IL1RAPL2: variants seen among roughly 807,000 people sequenced by gnomAD.
IL1RAPL2 encodes the protein X-linked interleukin-1 receptor accessory protein-like 2.
IL1RAPL2 carries 3 observed loss-of-function variants against 44.1 expected under a neutral mutation model. The ratio of observed to expected loss-of-function variants is 0.07; its 90% CI spans 0.03 to 0.18. The LOEUF is 0.18. IL1RAPL2 is among the 10% of genes least tolerant of loss of function. The pLI, the probability that IL1RAPL2 is intolerant of heterozygous loss-of-function variation, is 1.00. For synonymous variants in IL1RAPL2, 181 were observed against 178.8 expected (o/e 1.01, Z -0.10); for missense variants, 391 against 496.4 (o/e 0.79, Z 2.02).
intron 2 of IL1RAPL2, among the ~76,000 whole-genome samples, chrX:104,664,214 G>C (rs190959290): frequency 9.0e-6 from 1 of 111,145 alleles, no homozygotes; most frequent in Non-Finnish European, 1.9e-5. Flanking sequence ...TGTAGTGGTC[G>C]TTCCGCAATG....
At chrX:105,308,014 C>T (rs1362974957) in intron 5 of IL1RAPL2, among the ~76,000 whole-genome samples, 1 of 110,270 alleles carries the variant, frequency 9.1e-6, no homozygotes, top group African/African-American at 3.3e-5. Context: ...GATCTGGGCA[C>T]TAGATGTCTG....
chrX:104,766,674 C>T (rs2061130113), intron 2 of IL1RAPL2, among the ~76,000 whole-genome samples: 2 of 111,835 alleles, frequency 1.8e-5, no homozygotes, highest in South Asian at 7.4e-4. Context: ...ACACAATGTG[C>T]CCAAAGCTTC....
chrX:104,810,134 AATC>A (rs1932962925), intron 2 of IL1RAPL2, among the ~76,000 whole-genome samples: 1 of 109,869 alleles, frequency 9.1e-6, no homozygotes, highest in Admixed American at 9.8e-5. Flanking sequence ...TGAAATTGGA[AATC>A]ATCATTCTCA....
intron 2 of IL1RAPL2, among the ~76,000 whole-genome samples, chrX:104,982,664 T>C (rs1361409572): frequency 1.8e-5 from 2 of 111,283 alleles, no homozygotes; most frequent in Non-Finnish European, 3.8e-5. Context: ...GTTCAGTTTG[T>C]TGGTAACCTA....
chrX:104,600,710 T>G (rs1928865394), intron 1 of IL1RAPL2, among the ~76,000 whole-genome samples: 1 of 111,114 alleles, frequency 9.0e-6, no homozygotes, highest in East Asian at 2.8e-4. Flanking sequence ...ATTGCTGCCA[T>G]CTTGATATCC....
At chrX:104,724,689 T>C (rs374683937) in intron 2 of IL1RAPL2, among the ~76,000 whole-genome samples, 1 of 111,281 alleles carries the variant, frequency 9.0e-6, no homozygotes, top group African/African-American at 3.3e-5. Flanking sequence ...GAGCAGCAAA[T>C]AGAGCAACTA....
At chrX:105,672,427 G>A (rs1261440105) in intron 6 of IL1RAPL2, among the ~76,000 whole-genome samples, 1 of 112,194 alleles carries the variant, frequency 8.9e-6, no homozygotes, top group Non-Finnish European at 1.9e-5. Context: ...AGAGTTCCAG[G>A]TTCTTCCATG....
Position 104,786,218 on chromosome X carries a change from C to A in IL1RAPL2, c.82+127223C>A, listed in dbSNP as rs1275822459. On this transcript the variant is annotated intron_variant, in intron 2 of 10. Coordinates refer to ENST00000372582, the MANE Select transcript of IL1RAPL2 (RefSeq NM_017416.2). ...AGCTCAGGCACTGGTAAGTGTGGTG[C>A]AAAGATTGAGGTGGGACCAACATTA... 6.3e-5 allele frequency among the ~76,000 whole-genome samples: 7 copies of A among 111,461 alleles called. No homozygotes were observed. The East Asian group carries it at 2.0e-3, about 31-fold the overall frequency.
intron 1 of IL1RAPL2, among the ~76,000 whole-genome samples, chrX:104,643,769 A>G (rs758452001): frequency 9.0e-6 from 1 of 111,675 alleles, no homozygotes; most frequent in South Asian, 3.8e-4. Context: ...CAGTGAGGAG[A>G]AAATATTAAA....
chrX:104,966,318 T>C (rs936605892), intron 2 of IL1RAPL2, among the ~76,000 whole-genome samples: 1 of 111,616 alleles, frequency 9.0e-6, no homozygotes, highest in African/African-American at 3.2e-5. Flanking sequence ...ATTAGACTTT[T>C]AAAACATGCT....
chrX:105,348,696 T>G (rs1198036566), intron 5 of IL1RAPL2, among the ~76,000 whole-genome samples: 1 of 111,496 alleles, frequency 9.0e-6, no homozygotes, highest in East Asian at 2.8e-4. Context: ...ATTCAGGTGC[T>G]GCAGCAAAGG....
chrX:105,509,923 G>A (rs2036457384), intron 6 of IL1RAPL2, among the ~76,000 whole-genome samples: 1 of 111,457 alleles, frequency 9.0e-6, no homozygotes, highest in Non-Finnish European at 1.9e-5. Flanking sequence ...TGTAATCCTA[G>A]CATTTTGGGA....
chrX:105,543,966 T>TTAA (rs2036766906), intron 6 of IL1RAPL2, among the ~76,000 whole-genome samples: 1 of 111,926 alleles, frequency 8.9e-6, no homozygotes, highest in Non-Finnish European at 1.9e-5. Context: ...CTCACTGGGA[T>TTAA]TTTGATAAAG....
At chrX:104,780,293 T>C (rs984648783) in intron 2 of IL1RAPL2, among the ~76,000 whole-genome samples, 1 of 112,313 alleles carries the variant, frequency 8.9e-6, no homozygotes, top group African/African-American at 3.2e-5. Flanking sequence ...TGATAGCCTC[T>C]GAAAAGTAAA....
rs1398287778 is a variant in IL1RAPL2 at position 105,748,944 on chromosome X, A to G, written c.1049-16A>G. 6.6e-6 allele frequency: 8 copies of G among 1,204,238 alleles called. No homozygotes were observed. In the Admixed American group the frequency reaches 1.5e-4, roughly 23 times the overall value. ...CTGATTTAATTACCTTTTCCTGTTT[A>G]TTCTGTTCGCTCCAGATTTAATCTA... On this transcript the variant is annotated splice_polypyrimidine_tract_variant and intron_variant, in intron 8 of 10. Transcript: ENST00000372582.
At chrX:105,764,643 A>G (rs1482632838) in intron 10 of IL1RAPL2, among the ~76,000 whole-genome samples, 4 of 110,916 alleles carry the variant, frequency 3.6e-5, no homozygotes, top group Non-Finnish European at 7.5e-5. Context: ...TCTATAAAAA[A>G]TAATAATAAA....
intron 2 of IL1RAPL2, among the ~76,000 whole-genome samples, chrX:104,810,194 C>T (rs982746699): frequency 1.8e-5 from 2 of 109,579 alleles, no homozygotes; most frequent in African/African-American, 6.7e-5. Flanking sequence ...TATTCTCACT[C>T]ATAGGTGGGA....
At chrX:105,324,401 A>G (rs1254094727) in intron 5 of IL1RAPL2, among the ~76,000 whole-genome samples, 5 of 111,400 alleles carry the variant, frequency 4.5e-5, no homozygotes, top group African/African-American at 1.6e-4. Flanking sequence ...AATATCTGTC[A>G]TGGCCCAGTT....
chrX:105,704,601 G>T (rs923232789), intron 6 of IL1RAPL2, among the ~76,000 whole-genome samples: 1 of 111,652 alleles, frequency 9.0e-6, no homozygotes, highest in East Asian at 2.8e-4. Context: ...TTGTTCTAAA[G>T]AAGCAGCAAT....
Sources: allele counts gnomAD v4.1 joint callset (sites outside exome capture counted in the v4.1 genomes callset), GRCh38; gene constraint gnomAD v4.1.1; transcripts MANE v1.5; gene names NCBI Gene and HGNC (gene_info 2026-07-23, HGNC 2026-07-21).